Variants in PEX5L observed in about 807,000 individuals in gnomAD.
PEX5L encodes the protein PEX5-related protein.
PEX5L carries 30 observed loss-of-function variants against 84.0 expected under a neutral mutation model. The ratio of observed to expected loss-of-function variants is 0.36; its 90% CI spans 0.27 to 0.48. PEX5L has a LOEUF of 0.48. PEX5L is among the 20% of genes least tolerant of loss of function. The probability of loss-of-function intolerance (pLI) is 0.99; values close to 1 mark genes in which losing one functional copy is unlikely to be tolerated. For missense variants in PEX5L, 533 were observed against 754.6 expected (o/e 0.71, Z 3.44); for synonymous variants, 270 against 283.1 (o/e 0.95, Z 0.46).
At chr3:179,802,626 C>A (rs1719483309) in intron 14 of PEX5L, among the ~76,000 whole-genome samples, 1 of 151,480 alleles carries the variant, frequency 6.6e-6, no homozygotes, top group African/African-American at 2.4e-5. Flanking sequence ...CAAAACCATG[C>A]AAATTCATTA....
At chr3:179,866,594 T>C (rs1324927756) in intron 7 of PEX5L, among the ~76,000 whole-genome samples, 1 of 152,172 alleles carries the variant, frequency 6.6e-6, no homozygotes, top group East Asian at 1.9e-4. Context: ...CTACCAGGTG[T>C]GACTTTTAGA....
intron 2 of PEX5L, among the ~76,000 whole-genome samples, chr3:179,902,347 G>A (rs1761671471): frequency 6.6e-6 from 1 of 152,178 alleles, no homozygotes; most frequent in South Asian, 2.1e-4. Context: ...CTCTCTGACT[G>A]CCATAAATGT....
intron 2 of PEX5L, among the ~76,000 whole-genome samples, chr3:179,944,949 C>T (rs149726365): frequency 7.9e-5 from 12 of 152,340 alleles, no homozygotes; most frequent in African/African-American, 2.9e-4. Flanking sequence ...CTTCACAAGG[C>T]AAGGTTGCCT....
chr3:179,898,181 C>T lies in PEX5L; in HGVS notation c.159G>A (p.Glu53=). 3 of 1,613,500 alleles carry T rather than the reference C, an allele frequency of 1.9e-6. No individual in the cohort carries two copies. The highest frequency in any genetic ancestry group is 2.5e-6 in the Non-Finnish European group (3 of 1,179,552). Residue 53 remains glutamate (E), a synonymous_variant, in exon 3 of 15, where the codon GAG becomes GAA. Coordinates refer to ENST00000467460, the MANE Select transcript of PEX5L (RefSeq NM_016559.3). ...TAAGGAGGGGCTTTTCTTCAGCAGA[C>T]TCCTCCCTCGGTATCTCCTTCATCA... ...AMVMKEIPRE[E]SAEEKPLLTM...
chr3:179,858,346 C>G (rs775687006), intron 8 of PEX5L, among the ~76,000 whole-genome samples: 3 of 151,928 alleles, frequency 2.0e-5, no homozygotes, highest in Non-Finnish European at 4.4e-5. Context: ...TGAGTCTACC[C>G]GGGAAGGAAA....
Position 179,859,078 on chromosome 3 carries a change from G to A in PEX5L, c.806C>T (p.Ala269Val). Residue 269 changes from alanine (A) to valine (V), a missense_variant, in exon 8 of 15, where the codon GCA (alanine) becomes GTA (valine). Transcript: ENST00000467460. ...AAAAGTTACCTCCACTGCTGCTTTTGCCCTTTCAAACTCTTCTTCTAAGGA... is the reference window on the plus strand; with the variant it reads ...AAAAGTTACCTCCACTGCTGCTTTTACCCTTTCAAACTCTTCTTCTAAGGA... ...NHSLEEEFER[A>V]KAAVESDTEF... 6.2e-7 allele frequency: 1 copy of A among 1,612,422 alleles called. No individual in the cohort carries two copies. Among genetic ancestry groups the A allele is most frequent in the Non-Finnish European group, 8.5e-7 (1 of 1,178,414 alleles).
chr3:180,013,667 A>G (rs1789682722), intron 1 of PEX5L, among the ~76,000 whole-genome samples: 1 of 152,284 alleles, frequency 6.6e-6, no homozygotes, highest in South Asian at 2.1e-4. Context: ...AACGCCTGGT[A>G]TATGTAAGCA....
At chr3:180,002,685 C>T (rs533030702) in intron 1 of PEX5L, among the ~76,000 whole-genome samples, 159 of 152,084 alleles carry the variant, frequency 1.0e-3, no homozygotes, top group African/African-American at 3.7e-3. Flanking sequence ...TTTTGGGGGG[C>T]ATATTAATTT....
chr3:180,010,252 T>TTTTTTTTTTTTTTTTTTTTG, intron 1 of PEX5L, among the ~76,000 whole-genome samples: 1 of 141,024 alleles, frequency 7.1e-6, no homozygotes, highest in African/African-American at 2.9e-5. Context: ...GCCTCTTTTT[T>TTTTTTTTTTTTTTTTTTTTG]TTTTTTTTTT....
chr3:179,937,262 A>G (rs1405929096), intron 2 of PEX5L, among the ~76,000 whole-genome samples: 1 of 152,200 alleles, frequency 6.6e-6, no homozygotes. Flanking sequence ...TCTACTTAAT[A>G]GTAAGTACCA....
At chr3:179,808,181 A>G in intron 13 of PEX5L, 91 bp downstream of exon 13, 2 of 1,063,782 alleles carry the variant, frequency 1.9e-6, no homozygotes, top group Non-Finnish European at 2.6e-6. Flanking sequence ...TCAGGGAAAT[A>G]AAGTGCAGAA....
intron 1 of PEX5L, among the ~76,000 whole-genome samples, chr3:180,008,430 T>C (rs1178918475): frequency 6.6e-6 from 1 of 152,220 alleles, no homozygotes; most frequent in Non-Finnish European, 1.5e-5. Context: ...TGTCTTCTTC[T>C]GAGCCCTCCA....
intron 1 of PEX5L, among the ~76,000 whole-genome samples, chr3:180,033,331 T>C (rs1198801865): frequency 2.0e-5 from 3 of 152,222 alleles, no homozygotes. Context: ...TTTGAATGCC[T>C]AAAATAAAGA....
At chr3:179,935,487 G>C (rs1400528482) in intron 2 of PEX5L, among the ~76,000 whole-genome samples, 1 of 152,188 alleles carries the variant, frequency 6.6e-6, no homozygotes, top group Non-Finnish European at 1.5e-5. Flanking sequence ...ACCCCATGCG[G>C]GATGTGCTTT....
At chr3:179,948,794 T>G (rs555635776) in intron 2 of PEX5L, among the ~76,000 whole-genome samples, 1 of 152,350 alleles carries the variant, frequency 6.6e-6, no homozygotes, top group African/African-American at 2.4e-5. Flanking sequence ...GACTTGTTTA[T>G]TAATCTGAAG....
At chr3:179,944,617 T>C (rs1777036056) in intron 2 of PEX5L, among the ~76,000 whole-genome samples, 1 of 152,246 alleles carries the variant, frequency 6.6e-6, no homozygotes, top group South Asian at 2.1e-4. Flanking sequence ...AACAGAATTA[T>C]GTTCTTTTAA....
chr3:179,945,489 A>T (rs1049696013), intron 2 of PEX5L, among the ~76,000 whole-genome samples: 1 of 152,146 alleles, frequency 6.6e-6, no homozygotes, highest in Non-Finnish European at 1.5e-5. Flanking sequence ...GGCATCTACC[A>T]CTTGAGGTTG....
intron 2 of PEX5L, among the ~76,000 whole-genome samples, chr3:179,968,122 A>G (rs1783816920): frequency 6.6e-6 from 1 of 152,136 alleles, no homozygotes; most frequent in South Asian, 2.1e-4. Flanking sequence ...CTGTAACTGT[A>G]TCCATCATAT....
rs188816237 is a variant in PEX5L, at chr3:179,937,349, T to C, written c.93+34245A>G. On this transcript the variant is annotated intron_variant, in intron 2 of 14. Transcript: ENST00000467460. Reference sequence around the variant, plus strand: ...GATGTTAACAGTAGGAGAGACAGCATGCGGGGTACATGAGAACTCTGTGTA... The same window carrying C: ...GATGTTAACAGTAGGAGAGACAGCACGCGGGGTACATGAGAACTCTGTGTA... Among the ~76,000 whole-genome samples the C allele has an allele frequency of 7.8e-4, 118 of 152,256 alleles. 2 individuals carry two copies. Among genetic ancestry groups the C allele is most frequent in the Non-Finnish European group, 1.2e-4 (8 of 68,028 alleles).
Sources: allele counts gnomAD v4.1 joint callset (sites outside exome capture counted in the v4.1 genomes callset), GRCh38; gene constraint gnomAD v4.1.1; transcripts MANE v1.5; gene names NCBI Gene and HGNC (gene_info 2026-07-23, HGNC 2026-07-21).